HS3ST5: variants seen among roughly 807,000 people sequenced by gnomAD.
HS3ST5 encodes heparan sulfate glucosamine 3-O-sulfotransferase 5.
Under a neutral mutation model 25.4 loss-of-function variants are expected in HS3ST5, and 10 were observed. The ratio of observed to expected loss-of-function variants is 0.39; its 90% CI spans 0.24 to 0.67. The LOEUF (loss-of-function observed/expected upper bound fraction) is 0.67, where lower values mean the gene tolerates loss of function less well. Ranked by LOEUF, HS3ST5 falls within the 30% of genes least tolerant of loss-of-function variation. HS3ST5 has a pLI of 0.44. For synonymous variants in HS3ST5, 170 were observed against 162.4 expected, an observed-to-expected ratio of 1.05 and a Z score of -0.36; for missense variants, 324 against 420.7, an observed-to-expected ratio of 0.77 and a Z score of 2.01.
chr6:114,069,511 G>A (rs1228715891), intron 3 of HS3ST5, among the ~76,000 whole-genome samples: 1 of 151,164 alleles, frequency 6.6e-6, no homozygotes, highest in Non-Finnish European at 1.5e-5. Context: ...TACTTACATG[G>A]GAGAATTTTT....
chr6:114,179,856 C>T (rs1779886615), intron 2 of HS3ST5, among the ~76,000 whole-genome samples: 1 of 152,058 alleles, frequency 6.6e-6, no homozygotes, highest in Admixed American at 6.5e-5. Context: ...CAGTCTGTGG[C>T]TGAAGGCCGG....
intron 3 of HS3ST5, among the ~76,000 whole-genome samples, chr6:114,137,391 T>C (rs1777678025): frequency 6.6e-6 from 1 of 152,234 alleles, no homozygotes; most frequent in African/African-American, 2.4e-5. Flanking sequence ...CACAGGGATG[T>C]AAGATCTTCT....
At chr6:114,321,584 T>A (rs1028146542) in intron 1 of HS3ST5, among the ~76,000 whole-genome samples, 9 of 152,170 alleles carry the variant, frequency 5.9e-5, no homozygotes, top group Non-Finnish European at 5.9e-5. Flanking sequence ...AGTTCGATAA[T>A]GATAAAGATC....
intron 2 of HS3ST5, among the ~76,000 whole-genome samples, chr6:114,191,433 A>C (rs2114302194): frequency 6.6e-6 from 1 of 152,336 alleles, no homozygotes; most frequent in East Asian, 1.9e-4. Flanking sequence ...TTGAACAGGT[A>C]ACTACAAACT....
At chr6:114,302,694 C>G (rs1333030217) in intron 1 of HS3ST5, among the ~76,000 whole-genome samples, 1 of 152,168 alleles carries the variant, frequency 6.6e-6, no homozygotes, top group African/African-American at 2.4e-5. Context: ...TGTCTTTCTA[C>G]TCTCCTTTCT....
At chr6:114,235,750 A>G (rs1771827317) in intron 1 of HS3ST5, 1 of 152,238 alleles carries the variant, frequency 6.6e-6, no homozygotes, top group Non-Finnish European at 1.5e-5. Flanking sequence ...GACCATGTTG[A>G]TCAGGATCCT....
At chr6:114,162,287 A>G (rs1338636422) in intron 3 of HS3ST5, among the ~76,000 whole-genome samples, 1 of 152,202 alleles carries the variant, frequency 6.6e-6, no homozygotes, top group Non-Finnish European at 1.5e-5. Flanking sequence ...TTTATAAACT[A>G]TAAAAGTTTC....
chr6:114,318,479 C>T (rs1775834395), intron 1 of HS3ST5, among the ~76,000 whole-genome samples: 1 of 152,052 alleles, frequency 6.6e-6, no homozygotes, highest in Non-Finnish European at 1.5e-5. Flanking sequence ...AAAGGTTGCC[C>T]TGGGCAAAAT....
At chr6:114,323,857 C>A (rs1776067354) in intron 1 of HS3ST5, among the ~76,000 whole-genome samples, 1 of 152,112 alleles carries the variant, frequency 6.6e-6, no homozygotes. Context: ...TCTCAAAAGG[C>A]AAACACAGTT....
chr6:114,306,121 C>A (rs1056371865), intron 1 of HS3ST5, among the ~76,000 whole-genome samples: 27 of 151,544 alleles, frequency 1.8e-4, no homozygotes, highest in African/African-American at 5.6e-4. Flanking sequence ...ATAATTATGA[C>A]TATTAAAAAA....
chr6:114,109,949 G>C (rs1011537064), intron 3 of HS3ST5, among the ~76,000 whole-genome samples: 4 of 152,126 alleles, frequency 2.6e-5, no homozygotes. Flanking sequence ...TCCCAACTTA[G>C]CTGGACTTAT....
At chr6:114,156,607 C>T (rs1778709399) in intron 3 of HS3ST5, among the ~76,000 whole-genome samples, 1 of 152,208 alleles carries the variant, frequency 6.6e-6, no homozygotes, top group African/African-American at 2.4e-5. Flanking sequence ...CAAAGCCAGC[C>T]TCTTCTAAGC....
At chr6:114,096,176 T>A (rs1265529475) in intron 3 of HS3ST5, among the ~76,000 whole-genome samples, 1 of 152,158 alleles carries the variant, frequency 6.6e-6, no homozygotes, top group Non-Finnish European at 1.5e-5. Context: ...TCAAAAATAC[T>A]GCAAATTGTT....
chr6:114,194,679 T>C (rs1476989161), intron 2 of HS3ST5, among the ~76,000 whole-genome samples: 8 of 152,096 alleles, frequency 5.3e-5, no homozygotes, highest in Non-Finnish European at 1.2e-4. Flanking sequence ...GACATCAGAG[T>C]GTGGAAAATT....
intron 1 of HS3ST5, among the ~76,000 whole-genome samples, chr6:114,241,142 T>TTG (rs1772103096): frequency 6.6e-6 from 1 of 150,724 alleles, no homozygotes. Flanking sequence ...GTTTTTTTTT[T>TTG]TTTTTTTTTT....
At chr6:114,218,755 A>G (rs1269732374) in intron 2 of HS3ST5, among the ~76,000 whole-genome samples, 1 of 152,220 alleles carries the variant, frequency 6.6e-6, no homozygotes, top group African/African-American at 2.4e-5. Context: ...TTTTATGTCC[A>G]AAGTCTAAAT....
chr6:114,304,779 T>C (rs1405397682), intron 1 of HS3ST5, among the ~76,000 whole-genome samples: 2 of 152,144 alleles, frequency 1.3e-5, no homozygotes, highest in South Asian at 2.1e-4. Flanking sequence ...TAGATTGTTT[T>C]ATATGTTTGA....
At chr6:114,118,693 C>T (rs949480176) in intron 3 of HS3ST5, among the ~76,000 whole-genome samples, 4 of 152,194 alleles carry the variant, frequency 2.6e-5, no homozygotes, top group Admixed American at 2.0e-4. Context: ...TTAATCTCTT[C>T]ACAAGATGTT....
intron 3 of HS3ST5, among the ~76,000 whole-genome samples, chr6:114,135,489 G>T (rs1777549976): frequency 6.6e-6 from 1 of 152,182 alleles, no homozygotes. Context: ...ATGAACACCA[G>T]TAACCCACAG....
Sources: allele counts gnomAD v4.1 joint callset (sites outside exome capture counted in the v4.1 genomes callset), GRCh38; gene constraint gnomAD v4.1.1; transcripts MANE v1.5; gene names NCBI Gene and HGNC (gene_info 2026-07-23, HGNC 2026-07-21).